Variants in RBFOX1 observed in about 807,000 individuals in gnomAD.
The protein encoded by RBFOX1 is RNA binding fox-1 homolog 1.
RBFOX1 carries 8 observed loss-of-function variants against 57.7 expected under a neutral mutation model. The ratio of observed to expected loss-of-function variants is 0.14; its 90% CI spans 0.08 to 0.25. RBFOX1 has a LOEUF of 0.25. RBFOX1 is among the 10% of genes least tolerant of loss of function. The pLI, the probability that RBFOX1 is intolerant of heterozygous loss-of-function variation, is 1.00. For missense variants in RBFOX1, 611 were observed against 548.5 expected (o/e 1.11, Z -1.14); for synonymous variants, 326 against 222.4 (o/e 1.47, Z -4.15).
intron 4 of RBFOX1, among the ~76,000 whole-genome samples, chr16:5,955,051 C>T (rs7187082): frequency 0.054 from 7,025 of 129,738 alleles, 328 homozygotes; most frequent in South Asian, 0.15. Flanking sequence ...GAGGCCGAAG[C>T]GGGTGGATCA....
At chr16:6,263,628 T>G (rs987756096) in intron 1 of RBFOX1, among the ~76,000 whole-genome samples, 2 of 152,226 alleles carry the variant, frequency 1.3e-5, no homozygotes, top group African/African-American at 4.8e-5. Context: ...TCTCCTTCCT[T>G]GGAGCTTAGA....
intron 4 of RBFOX1, among the ~76,000 whole-genome samples, chr16:7,385,301 T>G (rs2097857127): frequency 6.6e-6 from 1 of 151,686 alleles, no homozygotes; most frequent in Non-Finnish European, 1.5e-5. Context: ...TGTCTGGGAG[T>G]CCAGGCAAGG....
In RBFOX1 at chr16:5,447,376, CAA is replaced by C. The variant is rs1491556342; in HGVS notation, c.220-19839_220-19838del. On this transcript the variant is annotated intron_variant, in intron 1 of 2. Transcript: ENST00000585867. ...CATCATTCAATGTCAATCAATCAAT[CAA>C]TCTCTCTCTCTCTCTCTCTCTCTCT... Among the ~76,000 whole-genome samples, 108 of 120,000 alleles carry C rather than the reference CAA, an allele frequency of 9.0e-4. 2 individuals carry two copies. The highest frequency in any genetic ancestry group is 2.5e-3 in the African/African-American group (81 of 31,926). The allele number at this position is 120,000 out of a possible 152,430, so 78.7% of individuals were successfully genotyped here.
At chr16:6,930,871 T>C (rs1472952427) in intron 3 of RBFOX1, among the ~76,000 whole-genome samples, 1 of 152,126 alleles carries the variant, frequency 6.6e-6, no homozygotes, top group Non-Finnish European at 1.5e-5. Flanking sequence ...TAATAGCATG[T>C]TCCTATCCAA....
chr16:5,435,502 C>G (rs368852279), intron 1 of RBFOX1, among the ~76,000 whole-genome samples: 23 of 152,332 alleles, frequency 1.5e-4, no homozygotes, highest in African/African-American at 4.1e-4. Flanking sequence ...CTGGATCTCC[C>G]TCTGTAAGAT....
chr16:6,295,300 A>G (rs2077977467), intron 1 of RBFOX1, among the ~76,000 whole-genome samples: 2 of 151,870 alleles, frequency 1.3e-5, no homozygotes, highest in Non-Finnish European at 2.9e-5. Flanking sequence ...ATTGTTTTGT[A>G]TTTTTAGTAG....
At chr16:5,511,268 C>G (rs920809936) in intron 2 of RBFOX1, among the ~76,000 whole-genome samples, 3 of 152,190 alleles carry the variant, frequency 2.0e-5, no homozygotes, top group Non-Finnish European at 4.4e-5. Flanking sequence ...GACGTGACTT[C>G]AGAGATCTGG....
chr16:5,348,458 C>A (rs957625863), intron 1 of RBFOX1, among the ~76,000 whole-genome samples: 3 of 152,144 alleles, frequency 2.0e-5, no homozygotes, highest in African/African-American at 7.2e-5. Context: ...GCACTATTAT[C>A]ACATCTCCAC....
intron 3 of RBFOX1, among the ~76,000 whole-genome samples, chr16:6,946,422 C>T (rs971943702): frequency 1.3e-5 from 2 of 152,164 alleles, no homozygotes; most frequent in Admixed American, 1.3e-4. Context: ...TGCCTGAGTT[C>T]TGTGATGAAA....
intron 3 of RBFOX1, among the ~76,000 whole-genome samples, chr16:5,769,976 C>G (rs1347838476): frequency 1.3e-5 from 2 of 152,162 alleles, no homozygotes; most frequent in Admixed American, 1.3e-4. Flanking sequence ...GAGACTTGTA[C>G]TCCTCTGGCT....
chr16:6,060,749 C>G lies in RBFOX1; in HGVS notation c.-127+40757C>G, dbSNP rs143627847. On this transcript the variant is annotated intron_variant, in intron 1 of 15. Transcript: ENST00000550418. ...AGGATTCAGGGGCAGAGAGTTCAGTCATAGAACCCAAGAGGAGGAAGTTCA... is the reference window on the plus strand; with the variant it reads ...AGGATTCAGGGGCAGAGAGTTCAGTGATAGAACCCAAGAGGAGGAAGTTCA... Among the ~76,000 whole-genome samples the G allele has an allele frequency of 2.2e-3, 328 of 152,316 alleles. 2 individuals are homozygous for G. Among genetic ancestry groups the G allele is most frequent in the African/African-American group, 7.7e-3 (320 of 41,552 alleles).
Position 5,946,987 on chromosome 16 carries a change from G to A in RBFOX1, c.351+79652G>A, listed in dbSNP as rs1408978110. 6.6e-6 allele frequency among the ~76,000 whole-genome samples: 1 copy of A among 152,156 alleles called. No homozygotes were observed. The highest frequency in any genetic ancestry group is 1.5e-5 in the Non-Finnish European group (1 of 68,030). On this transcript the variant is annotated intron_variant, in intron 4 of 19. Coordinates refer to the RBFOX1 transcript ENST00000641259. This position sits in a 1 kb window ranked among gnomAD's most constrained non-coding sequence, Gnocchi z 4.6. ...AGCACTTAGGGAGGCAGAAGTAGGA[G>A]GATTGCTTGAGGCCAGGAGTTTGAG...
At chr16:5,784,996 T>C (rs1264783507) in intron 3 of RBFOX1, among the ~76,000 whole-genome samples, 3 of 152,200 alleles carry the variant, frequency 2.0e-5, no homozygotes, top group Admixed American at 6.5e-5. Flanking sequence ...AGGGACCTAC[T>C]TCACTGGGTT....
At chr16:5,899,020 C>T (rs550601568) in intron 4 of RBFOX1, among the ~76,000 whole-genome samples, 4 of 151,608 alleles carry the variant, frequency 2.6e-5, no homozygotes, top group South Asian at 2.1e-4. Flanking sequence ...CCTTGGTTTG[C>T]AGTGAGCCTC....
intron 4 of RBFOX1, among the ~76,000 whole-genome samples, chr16:7,224,058 G>T (rs1391672790): frequency 2.1e-5 from 3 of 143,998 alleles, no homozygotes; most frequent in African/African-American, 7.7e-5. Context: ...GGATGCATCA[G>T]AGGTTGCTTA....
At chr16:6,868,161 T>C (rs1234041767) in intron 3 of RBFOX1, among the ~76,000 whole-genome samples, 2 of 152,214 alleles carry the variant, frequency 1.3e-5, no homozygotes, top group Non-Finnish European at 2.9e-5. Flanking sequence ...ATTATTCCTA[T>C]ATTTTTTTTC....
intron 1 of RBFOX1, among the ~76,000 whole-genome samples, chr16:5,310,994 C>G (rs1211099674): frequency 1.3e-5 from 2 of 152,150 alleles, no homozygotes; most frequent in African/African-American, 4.8e-5. Context: ...CTCACCCCCA[C>G]TACCCCTGCT....
chr16:5,300,376 G>C (rs929827729), intron 1 of RBFOX1, among the ~76,000 whole-genome samples: 2 of 152,136 alleles, frequency 1.3e-5, no homozygotes, highest in Admixed American at 6.5e-5. Context: ...GGGTGGGAGC[G>C]GGTGAGGGAT....
intron 1 of RBFOX1, among the ~76,000 whole-genome samples, chr16:6,306,404 C>A (rs904852067): frequency 6.6e-6 from 1 of 152,150 alleles, no homozygotes; most frequent in Non-Finnish European, 1.5e-5. Context: ...GCTCATGCAT[C>A]GAAAGGAATG....
Sources: allele counts gnomAD v4.1 joint callset (sites outside exome capture counted in the v4.1 genomes callset), GRCh38; gene constraint gnomAD v4.1.1; non-coding constraint Gnocchi (gnomAD v3.1); transcripts MANE v1.5; gene names NCBI Gene and HGNC (gene_info 2026-07-23, HGNC 2026-07-21).